Variants in HS3ST4 observed in about 807,000 individuals in gnomAD.
HS3ST4 encodes the protein heparan sulfate-glucosamine 3-sulfotransferase 4.
A neutral mutation model predicts 29.2 loss-of-function variants in HS3ST4; 17 were observed. That is an observed-to-expected ratio of 0.58 (90% confidence interval 0.40 to 0.87). The LOEUF (loss-of-function observed/expected upper bound fraction) is 0.87. Among genes scored for constraint, HS3ST4 ranks in the 40% least tolerant of loss-of-function variants. The pLI, the probability that HS3ST4 is intolerant of heterozygous loss-of-function variation, is 0.00. For synonymous variants in HS3ST4, 314 were observed against 285.7 expected, an observed-to-expected ratio of 1.10 and a Z score of -1.00; for missense variants, 627 against 634.5, an observed-to-expected ratio of 0.99 and a Z score of 0.13.
At chr16:25,835,895 C>G (rs1272661668) in intron 1 of HS3ST4, among the ~76,000 whole-genome samples, 5 of 152,044 alleles carry the variant, frequency 3.3e-5, no homozygotes, top group Admixed American at 3.3e-4. Flanking sequence ...CGCTGGCTCA[C>G]TGAAGCAGAA....
intron 1 of HS3ST4, among the ~76,000 whole-genome samples, chr16:26,003,446 C>A (rs941942192): frequency 1.3e-5 from 2 of 152,148 alleles, no homozygotes; most frequent in Non-Finnish European, 2.9e-5. Context: ...CGAGGAATGT[C>A]TATCACAAAT....
At chr16:26,083,138 T>C (rs775823872) in intron 1 of HS3ST4, among the ~76,000 whole-genome samples, 5 of 152,344 alleles carry the variant, frequency 3.3e-5, no homozygotes, top group African/African-American at 4.8e-5. Flanking sequence ...AGCTGTGCCC[T>C]CCTCTGCCCT....
At chr16:26,121,480 G>A (rs999048073) in intron 1 of HS3ST4, among the ~76,000 whole-genome samples, 5 of 152,208 alleles carry the variant, frequency 3.3e-5, no homozygotes, top group Non-Finnish European at 4.4e-5. Context: ...GGTCCATGCT[G>A]TTTGAGGCTG....
Position 25,858,009 on chromosome 16 carries a change from C to G in HS3ST4, c.734+164858C>G, listed in dbSNP as rs533913259. On this transcript the variant is annotated intron_variant, in intron 1 of 1. Transcript: ENST00000331351. ...TTTCTTTTTCTTCCTTCTTTTCTTT[C>G]TGTCTTTTTCTTTCTTTCCTCTTTC... 1.7e-4 allele frequency among the ~76,000 whole-genome samples: 24 copies of G among 139,852 alleles called. No individual in the cohort carries two copies. In the South Asian group the frequency reaches 4.5e-3, roughly 26 times the overall value. The allele number at this position is 139,852 out of a possible 152,430, so 91.7% of individuals were successfully genotyped here.
At chr16:25,900,860 T>C (rs9928811) in intron 1 of HS3ST4, among the ~76,000 whole-genome samples, 31,259 of 151,728 alleles carry the variant, frequency 0.21, 3,422 homozygotes, top group Admixed American at 0.27. Flanking sequence ...ATAAAGAGAG[T>C]TGAAGATTTT....
chr16:26,071,025 T>C (rs1371828292), intron 1 of HS3ST4, among the ~76,000 whole-genome samples: 3 of 152,238 alleles, frequency 2.0e-5, no homozygotes, highest in Non-Finnish European at 2.9e-5. Context: ...ATTTTTCCTA[T>C]TTAAATGCCT....
chr16:25,866,027 G>C (rs1351681204), intron 1 of HS3ST4, among the ~76,000 whole-genome samples: 2 of 152,124 alleles, frequency 1.3e-5, no homozygotes, highest in Admixed American at 1.3e-4. Flanking sequence ...TCAACAGTGA[G>C]GAAACAACCT....
At chr16:26,037,845 C>T (rs143318459) in intron 1 of HS3ST4, among the ~76,000 whole-genome samples, 1 of 152,288 alleles carries the variant, frequency 6.6e-6, no homozygotes, top group African/African-American at 2.4e-5. Flanking sequence ...GCTGTTTTCT[C>T]AGATCTGGTG....
At chr16:25,801,798 C>T (rs116033207) in intron 1 of HS3ST4, among the ~76,000 whole-genome samples, 2 of 152,142 alleles carry the variant, frequency 1.3e-5, no homozygotes, top group African/African-American at 2.4e-5. Context: ...ATATAGGTTA[C>T]AAATATTTTT....
At chr16:25,815,879 G>T (rs192381790) in intron 1 of HS3ST4, among the ~76,000 whole-genome samples, 2 of 152,082 alleles carry the variant, frequency 1.3e-5, no homozygotes, top group Non-Finnish European at 2.9e-5. Context: ...AATTCTCTAA[G>T]CTAATGATTT....
intron 1 of HS3ST4, among the ~76,000 whole-genome samples, chr16:25,900,665 G>C (rs931782686): frequency 2.0e-5 from 3 of 152,064 alleles, no homozygotes; most frequent in Non-Finnish European, 2.9e-5. Flanking sequence ...GGGTAAACTT[G>C]ATAAAGAAGC....
At chr16:25,807,655 T>C (rs1023999267) in intron 1 of HS3ST4, among the ~76,000 whole-genome samples, 3 of 152,208 alleles carry the variant, frequency 2.0e-5, no homozygotes, top group African/African-American at 7.2e-5. Flanking sequence ...AATTTCTATG[T>C]TTTTTCTAGA....
intron 1 of HS3ST4, among the ~76,000 whole-genome samples, chr16:25,928,913 C>T (rs1438181746): frequency 6.6e-6 from 1 of 152,128 alleles, no homozygotes; most frequent in African/African-American, 2.4e-5. Flanking sequence ...CTTTGGGATA[C>T]TTTACGTTGT....
At chr16:25,944,943 T>G (rs1018310677) in intron 1 of HS3ST4, among the ~76,000 whole-genome samples, 3 of 152,204 alleles carry the variant, frequency 2.0e-5, no homozygotes, top group Non-Finnish European at 4.4e-5. Context: ...TTCATGCTTA[T>G]TTGAACAACT....
At chr16:26,100,144 G>A (rs1346867275) in intron 1 of HS3ST4, among the ~76,000 whole-genome samples, 1 of 152,100 alleles carries the variant, frequency 6.6e-6, no homozygotes, top group Non-Finnish European at 1.5e-5. Flanking sequence ...AAAGGAGGGA[G>A]GGAAGGAGCA....
intron 1 of HS3ST4, among the ~76,000 whole-genome samples, chr16:26,055,970 A>C (rs1898401410): frequency 6.6e-6 from 1 of 151,988 alleles, no homozygotes; most frequent in African/African-American, 2.4e-5. Flanking sequence ...CAGGGTATAA[A>C]CACAACACCA....
chr16:25,804,085 A>G (rs1596575772), intron 1 of HS3ST4, among the ~76,000 whole-genome samples: 1 of 152,084 alleles, frequency 6.6e-6, no homozygotes, highest in African/African-American at 2.4e-5. Context: ...TCTAGCCCTC[A>G]GTTTCATCAT....
intron 1 of HS3ST4, among the ~76,000 whole-genome samples, chr16:26,018,591 T>C (rs986537467): frequency 1.1e-4 from 17 of 152,160 alleles, no homozygotes; most frequent in Non-Finnish European, 2.4e-4. Context: ...AGAGAGGCTA[T>C]GAGATTTTTC....
chr16:26,111,804 G>A (rs370085797), intron 1 of HS3ST4, among the ~76,000 whole-genome samples: 24 of 152,242 alleles, frequency 1.6e-4, no homozygotes, highest in African/African-American at 5.8e-4. Flanking sequence ...GGATCACTAG[G>A]TCAAGAGATT....
Sources: gnomAD v4.1 joint callset for allele counts (sites outside exome capture counted in the v4.1 genomes callset) on GRCh38, gnomAD v4.1.1 for gene constraint, MANE v1.5 for transcripts, NCBI Gene and HGNC (gene_info 2026-07-23, HGNC 2026-07-21) for gene names.